Variants in NID1 observed in about 807,000 individuals in gnomAD.
NID1 encodes nidogen-1.
NID1 carries 76 observed loss-of-function variants against 130.6 expected under a neutral mutation model. That is an observed-to-expected ratio of 0.58 (90% confidence interval 0.48 to 0.70). The LOEUF is 0.70. Among genes scored for constraint, NID1 ranks in the 30% least tolerant of loss-of-function variants. The pLI, the probability that NID1 is intolerant of heterozygous loss-of-function variation, is 0.00. For synonymous variants in NID1, 665 were observed against 675.1 expected, an observed-to-expected ratio of 0.98 and a Z score of 0.23; for missense variants, 1,517 against 1,664.8, an observed-to-expected ratio of 0.91 and a Z score of 1.54.
chr1:236,013,709 G>A lies in NID1; in HGVS notation c.2255-149C>T. On this transcript the variant is annotated intron_variant, in intron 10 of 19. Coordinates refer to ENST00000264187, the MANE Select transcript of NID1 (RefSeq NM_002508.3). ...TTCACCTGCACCCCACTCCTCACTG[G>A]GCTGGTACTACTGCTTTCACCGTTT... 4 of 869,086 alleles carry A rather than the reference G, an allele frequency of 4.6e-6. No homozygotes were observed. The East Asian group carries it at 8.0e-5, about 17-fold the overall frequency. The allele number at this position is 869,086 out of a possible 1,614,324, so 53.8% of individuals were successfully genotyped here. A position where few individuals can be genotyped will look rare whatever the true frequency, so the allele number is the denominator to read the frequency against.
intron 1 of NID1, among the ~76,000 whole-genome samples, chr1:236,060,466 A>G (rs1332674384): frequency 6.6e-6 from 1 of 152,194 alleles, no homozygotes; most frequent in Non-Finnish European, 1.5e-5. Context: ...CCATCAGGGA[A>G]TGCAGTCCAG....
Position 236,020,477 on chromosome 1 carries a change from C to A in NID1, c.2129-3204G>T, listed in dbSNP as rs115298823. 3.6e-3 allele frequency among the ~76,000 whole-genome samples: 552 copies of A among 152,280 alleles called. 4 individuals carry two copies. The highest frequency in any genetic ancestry group is 0.013 in the African/African-American group (534 of 41,536). ...TGAGCCAAAACTATCTCTACGGGCT[C>A]TAAATTGAGAAACAGCGGGAGCCAT... On this transcript the variant is annotated intron_variant, in intron 9 of 19. Coordinates refer to ENST00000264187, the MANE Select transcript of NID1 (RefSeq NM_002508.3).
intron 2 of NID1, among the ~76,000 whole-genome samples, chr1:236,046,306 G>A (rs369357695): frequency 2.6e-5 from 4 of 152,192 alleles, no homozygotes; most frequent in African/African-American, 9.7e-5. Flanking sequence ...CATGCCGGGC[G>A]CGGTGGCTCA....
chr1:236,018,137 G>A (rs1206627401), intron 9 of NID1, among the ~76,000 whole-genome samples: 1 of 152,112 alleles, frequency 6.6e-6, no homozygotes, highest in Non-Finnish European at 1.5e-5. Flanking sequence ...CCTTTTATAT[G>A]ACAATACTAC....
intron 5 of NID1, among the ~76,000 whole-genome samples, chr1:236,034,422 CAAAA>C (rs144657585): frequency 4.3e-5 from 4 of 92,630 alleles, no homozygotes; most frequent in African/African-American, 1.6e-4. Context: ...AACTCCATCT[CAAAA>C]AAAAAAAAAA....
intron 6 of NID1, among the ~76,000 whole-genome samples, chr1:236,032,128 C>T (rs548109168): frequency 3.0e-4 from 46 of 152,292 alleles, no homozygotes; most frequent in African/African-American, 7.9e-4. Context: ...CTGCCAGAAA[C>T]GCCTAAATCT....
chr1:236,031,326 T>C (rs1659091960), intron 6 of NID1, among the ~76,000 whole-genome samples: 1 of 152,210 alleles, frequency 6.6e-6, no homozygotes, highest in Non-Finnish European at 1.5e-5. Flanking sequence ...CACTGTGTTA[T>C]CCAGGATGAT....
intron 1 of NID1, among the ~76,000 whole-genome samples, chr1:236,063,884 C>T (rs1660114108): frequency 6.6e-6 from 1 of 152,184 alleles, no homozygotes; most frequent in Non-Finnish European, 1.5e-5. Flanking sequence ...GGGGAGGGCT[C>T]TTTGTGGATC....
Position 235,985,379 on chromosome 1 carries a change from C to T in NID1, c.3055G>A (p.Asp1019Asn). The part of the protein sequence containing the change: ...GGEPTTIIRQ[D>N]LGSPEGIAVD... ...GGAAAAATGATATTTGCTTACTTAC[C>T]TTGTCTAATGATGGTGGTTGGCTCT... The change falls in exon 15 of 20, where the codon GAT becomes AAT. Residue 1019 changes from aspartate (D) to asparagine (N), a missense_variant and splice_region_variant. By Grantham distance (23) the Asp-to-Asn change is conservative. Around this residue, in one of 3 missense-constraint regions of NID1, gnomAD observed 1,329 missense variants for 1,429.2 expected, o/e 0.93. Transcript: ENST00000264187. The T allele has an allele frequency of 6.2e-7, 1 of 1,613,992 alleles. No individual in the cohort carries two copies. Among genetic ancestry groups the T allele is most frequent in the Non-Finnish European group, 8.5e-7 (1 of 1,179,936 alleles).
intron 19 of NID1, among the ~76,000 whole-genome samples, chr1:235,978,215 G>T (rs1657327050): frequency 6.6e-6 from 1 of 152,324 alleles, no homozygotes; most frequent in Admixed American, 6.5e-5. Flanking sequence ...CCAACTTGGG[G>T]GTTATGCAGA....
At chr1:236,004,259 TG>T (rs1658178607) in intron 12 of NID1, among the ~76,000 whole-genome samples, 2 of 152,022 alleles carry the variant, frequency 1.3e-5, no homozygotes, top group African/African-American at 4.8e-5. Context: ...CCATAGCCCA[TG>T]GGTAGCATTT....
chr1:235,987,819 G>A (rs1404215808), intron 14 of NID1, among the ~76,000 whole-genome samples: 3 of 152,148 alleles, frequency 2.0e-5, no homozygotes, highest in African/African-American at 7.2e-5. Context: ...AGGAGGATGA[G>A]CACATACTTC....
chr1:235,997,810 G>T (rs144605246), intron 12 of NID1, among the ~76,000 whole-genome samples: 3,347 of 152,070 alleles, frequency 0.022, 115 homozygotes, highest in African/African-American at 0.074. Context: ...GTTTCACTAT[G>T]TTGGCCAGGC....
In NID1 at chr1:236,041,308, C is replaced by T. The variant is rs1283161839; in HGVS notation, c.1135+602G>A. Among the ~76,000 whole-genome samples, 2 of 152,094 alleles carry T rather than the reference C, an allele frequency of 1.3e-5. 1 individual carries two copies. The highest frequency in any genetic ancestry group is 3.9e-4 in the East Asian group (2 of 5,174). On this transcript the variant is annotated intron_variant, in intron 4 of 19. Coordinates refer to ENST00000264187, the MANE Select transcript of NID1 (RefSeq NM_002508.3). ...GTCTCAATCTCTTGAGCTTGTGATC[C>T]ACCTGCCTCGGCCTCCCAAAGTGCT...
intron 5 of NID1, 76 bp from the exon 6 acceptor site, chr1:236,032,728 C>G (rs1238687616): frequency 1.3e-6 from 2 of 1,547,704 alleles, no homozygotes. Flanking sequence ...TATGTAGGAC[C>G]TGTACCTATT....
chr1:236,032,810 C>T (rs973291747), intron 5 of NID1, among the ~76,000 whole-genome samples, 158 bp from the exon 6 acceptor site: 3 of 152,164 alleles, frequency 2.0e-5, no homozygotes, highest in African/African-American at 7.2e-5. Flanking sequence ...GCTGTTCTTC[C>T]TGAGACTACC....
At chr1:236,057,244 G>C (rs1303254177) in intron 1 of NID1, among the ~76,000 whole-genome samples, 1 of 152,144 alleles carries the variant, frequency 6.6e-6, no homozygotes, top group Non-Finnish European at 1.5e-5. Flanking sequence ...GGGAGACAGA[G>C]AGAGAATCCA....
At chr1:236,032,328 T>C (rs1355712003) in intron 6 of NID1, 73 bp downstream of exon 6, 1 of 1,555,820 alleles carries the variant, frequency 6.4e-7, no homozygotes, top group African/African-American at 1.4e-5. Flanking sequence ...AGAGTTCTCC[T>C]TCCATCCATC....
chr1:236,052,002 A>T (rs540034773), intron 1 of NID1, among the ~76,000 whole-genome samples: 7 of 152,238 alleles, frequency 4.6e-5, no homozygotes, highest in Non-Finnish European at 8.8e-5. Flanking sequence ...TAGTATTTGC[A>T]TTGGAAAATT....
Sources: gnomAD v4.1 joint callset for allele counts (sites outside exome capture counted in the v4.1 genomes callset) on GRCh38, gnomAD v4.1.1 for gene constraint, gnomAD v4.1.1 regional missense constraint, MANE v1.5 for transcripts, NCBI Gene and HGNC (gene_info 2026-07-23, HGNC 2026-07-21) for gene names.